Variants in SNTB1 observed in about 807,000 individuals in gnomAD.
The protein encoded by SNTB1 is beta-1-syntrophin.
A neutral mutation model predicts 48.9 loss-of-function variants in SNTB1; 36 were observed. That is an observed-to-expected ratio of 0.74 (90% CI 0.56 to 0.97). The LOEUF (loss-of-function observed/expected upper bound fraction) is 0.97. SNTB1 is among the 50% of genes least tolerant of loss of function. The pLI is 0.00. For missense variants in SNTB1, 786 were observed against 703.4 expected (o/e 1.12, Z -1.33); for synonymous variants, 299 against 294.6 (o/e 1.01, Z -0.15).
At position 120,744,044 on chromosome 8, in the gene SNTB1, C is replaced by T. The variant is rs752357368; in HGVS notation, c.572-50136G>A. Among the ~76,000 whole-genome samples, 34 of 151,632 alleles carry T rather than the reference C, an allele frequency of 2.2e-4. 1 individual carries two copies. Among genetic ancestry groups the T allele is most frequent in the South Asian group, 4.2e-4 (2 of 4,798 alleles). ...ACTTGGGAGGCTGAGGCAGGAGGAT[C>T]GCTTGAGCCTAGGAGTTTGAGGCTG... On this transcript the variant is annotated intron_variant, in intron 1 of 6. Transcript: ENST00000517992.
At chr8:120,723,136 G>C (rs1012883382) in intron 1 of SNTB1, among the ~76,000 whole-genome samples, 1 of 152,028 alleles carries the variant, frequency 6.6e-6, no homozygotes, top group East Asian at 1.9e-4. Context: ...TTTAGATAAA[G>C]GTGTGTAATG....
chr8:120,550,185 G>A (rs1451026284), intron 4 of SNTB1, among the ~76,000 whole-genome samples: 3 of 152,098 alleles, frequency 2.0e-5, no homozygotes, highest in South Asian at 2.1e-4. Context: ...CAAGAGGGGC[G>A]GTTTGCAATG....
At chr8:120,579,855 T>C (rs13248824) in intron 3 of SNTB1, among the ~76,000 whole-genome samples, 67,143 of 148,294 alleles carry the variant, frequency 0.45, 18,429 homozygotes, top group Non-Finnish European at 0.63. Context: ...TTCGTGCACA[T>C]ATAGGATTTA....
intron 4 of SNTB1, among the ~76,000 whole-genome samples, chr8:120,573,532 T>C (rs879624964): frequency 1.5e-4 from 23 of 151,172 alleles, no homozygotes; most frequent in Admixed American, 6.7e-4. Flanking sequence ...AGCTTTCCAG[T>C]TTGATGTAGT....
chr8:120,565,130 T>A (rs928654020), intron 4 of SNTB1, among the ~76,000 whole-genome samples: 3 of 152,180 alleles, frequency 2.0e-5, no homozygotes, highest in African/African-American at 7.2e-5. Flanking sequence ...AAAAGTTTTT[T>A]TTTAGCAGGT....
chr8:120,806,448 C>A (rs1403102673), intron 1 of SNTB1, among the ~76,000 whole-genome samples: 1 of 152,210 alleles, frequency 6.6e-6, no homozygotes, highest in Non-Finnish European at 1.5e-5. Context: ...TGTGTCCATG[C>A]ATTTATCTAT....
chr8:120,728,484 C>T (rs968107298), intron 1 of SNTB1, among the ~76,000 whole-genome samples: 1 of 152,120 alleles, frequency 6.6e-6, no homozygotes, highest in Non-Finnish European at 1.5e-5. Flanking sequence ...CCCTTGTCCC[C>T]ACTCCCTCCC....
intron 2 of SNTB1, among the ~76,000 whole-genome samples, chr8:120,683,405 A>G (rs973273933): frequency 6.6e-6 from 1 of 152,162 alleles, no homozygotes; most frequent in Non-Finnish European, 1.5e-5. Flanking sequence ...ATAATAAGAA[A>G]AATGTGCTTG....
chr8:120,552,451 T>C (rs546179875), intron 4 of SNTB1, among the ~76,000 whole-genome samples: 37 of 152,284 alleles, frequency 2.4e-4, no homozygotes, highest in Middle Eastern at 3.4e-3. Flanking sequence ...CTCCACCTCC[T>C]GGGTTCAAGC....
chr8:120,727,390 AG>A (rs1347879883), intron 1 of SNTB1, among the ~76,000 whole-genome samples: 24 of 152,214 alleles, frequency 1.6e-4, no homozygotes, highest in South Asian at 1.0e-3. Context: ...GCCAGATGAG[AG>A]TCTATTTACT....
chr8:120,764,929 TAAA>T (rs1207380487), intron 1 of SNTB1, among the ~76,000 whole-genome samples: 2 of 151,498 alleles, frequency 1.3e-5, no homozygotes, highest in East Asian at 3.9e-4. Flanking sequence ...TATTCCAGTT[TAAA>T]AAAAAACTCA....
intron 4 of SNTB1, among the ~76,000 whole-genome samples, chr8:120,566,703 G>A (rs971395272): frequency 4.6e-5 from 7 of 152,136 alleles, no homozygotes; most frequent in African/African-American, 1.7e-4. Context: ...AAGATGGACC[G>A]GGTCCCATCC....
At chr8:120,704,081 G>T (rs999608812) in intron 1 of SNTB1, among the ~76,000 whole-genome samples, 6 of 152,162 alleles carry the variant, frequency 3.9e-5, no homozygotes, top group Non-Finnish European at 7.3e-5. Context: ...CCTGGATGCT[G>T]CCTCTAAACA....
At chr8:120,752,987 GA>G (rs60198716) in intron 1 of SNTB1, among the ~76,000 whole-genome samples, 3,024 of 76,536 alleles carry the variant, frequency 0.04, 34 homozygotes, top group Non-Finnish European at 0.057. Flanking sequence ...AAAGCTGGAA[GA>G]AAAAAAAAAA....
intron 3 of SNTB1, among the ~76,000 whole-genome samples, chr8:120,614,252 C>T (rs1374241973): frequency 6.6e-6 from 1 of 152,202 alleles, no homozygotes; most frequent in South Asian, 2.1e-4. Flanking sequence ...GAGAGATACC[C>T]TGTCCAAAGT....
At chr8:120,645,310 G>C (rs1277303197) in intron 2 of SNTB1, among the ~76,000 whole-genome samples, 1 of 150,498 alleles carries the variant, frequency 6.6e-6, no homozygotes, top group African/African-American at 2.4e-5. Flanking sequence ...TAACGTTTAA[G>C]TCTTTAATCC....
At chr8:120,773,579 G>C (rs1819678651) in intron 1 of SNTB1, among the ~76,000 whole-genome samples, 1 of 152,124 alleles carries the variant, frequency 6.6e-6, no homozygotes, top group African/African-American at 2.4e-5. Flanking sequence ...GGCACCATCT[G>C]GTCCTTTTAG....
chr8:120,537,301 C>T lies in SNTB1; in HGVS notation c.*1576G>A, dbSNP rs1235666818. 1 of 152,120 alleles carries T rather than the reference C, an allele frequency of 6.6e-6. No homozygotes were observed. The highest frequency in any genetic ancestry group is 2.4e-5 in the African/African-American group (1 of 41,420). 9.4% of individuals were successfully genotyped at this position (152,120 alleles called of 1,614,324 possible). A position where few individuals can be genotyped will look rare whatever the true frequency, so the allele number is the denominator to read the frequency against. On this transcript the variant is annotated 3_prime_UTR_variant, in exon 7 of 7. Transcript: ENST00000517992. ...ATCTTCAAGGAGGCAATCGTGAAAT[C>T]TATTTAACATTTTTCAGCTCAGTAT...
chr8:120,717,817 C>A (rs1188711104), intron 1 of SNTB1, among the ~76,000 whole-genome samples: 1 of 152,172 alleles, frequency 6.6e-6, no homozygotes, highest in Non-Finnish European at 1.5e-5. Flanking sequence ...AAGGAAGGAT[C>A]TGCAGGGCAT....
Sources: allele counts gnomAD v4.1 joint callset (sites outside exome capture counted in the v4.1 genomes callset), GRCh38; gene constraint gnomAD v4.1.1; transcripts MANE v1.5; gene names NCBI Gene and HGNC (gene_info 2026-07-23, HGNC 2026-07-21).